The following CTNNA3 variants were observed in gnomAD, a reference collection of about 807,000 sequenced individuals.
CTNNA3 encodes catenin alpha 3.
CTNNA3 carries 76 observed loss-of-function variants against 95.7 expected under a neutral mutation model. The observed-to-expected ratio is 0.79, with a 90% CI of 0.66 to 0.96. The LOEUF (loss-of-function observed/expected upper bound fraction) is 0.96, where lower values mean the gene tolerates loss of function less well. Ranked by LOEUF, CTNNA3 falls within the 40% of genes least tolerant of loss-of-function variation. The pLI is 0.00. For missense variants in CTNNA3, 1,191 were observed against 1,089.8 expected, an observed-to-expected ratio of 1.09 and a Z score of -1.31; for synonymous variants, 431 against 374.4, an observed-to-expected ratio of 1.15 and a Z score of -1.74.
At chr10:66,637,919 G>C (rs1845390982) in intron 9 of CTNNA3, among the ~76,000 whole-genome samples, 1 of 151,950 alleles carries the variant, frequency 6.6e-6, no homozygotes, top group South Asian at 2.1e-4. Context: ...AACACTAATG[G>C]GCAGCTGCCA....
intron 4 of CTNNA3, among the ~76,000 whole-genome samples, chr10:67,525,158 G>A (rs1185534078): frequency 6.8e-6 from 1 of 147,842 alleles, no homozygotes; most frequent in Non-Finnish European, 1.5e-5. Context: ...TTTATCCTGT[G>A]TTTTTTTTTT....
chr10:66,687,123 C>A (rs1847326091), intron 9 of CTNNA3, among the ~76,000 whole-genome samples: 1 of 151,558 alleles, frequency 6.6e-6, no homozygotes, highest in Non-Finnish European at 1.5e-5. Context: ...TATGTATGTA[C>A]CAAATGAGTA....
intron 3 of CTNNA3, among the ~76,000 whole-genome samples, chr10:67,583,758 C>A (rs1842508907): frequency 6.6e-6 from 1 of 152,182 alleles, no homozygotes; most frequent in Non-Finnish European, 1.5e-5. Context: ...TTGTTCATTT[C>A]TTTTCACTCT....
At chr10:67,745,752 A>G (rs1841372052) in intron 1 of CTNNA3, among the ~76,000 whole-genome samples, 1 of 152,158 alleles carries the variant, frequency 6.6e-6, no homozygotes, top group Admixed American at 6.5e-5. Context: ...TCAACATGCA[A>G]AAATCAGTAA....
intron 7 of CTNNA3, among the ~76,000 whole-genome samples, chr10:66,811,194 A>G (rs536566480): frequency 7.9e-5 from 12 of 152,308 alleles, no homozygotes; most frequent in African/African-American, 2.9e-4. Context: ...AATTAGAATG[A>G]TTCTAGATAA....
chr10:66,929,635 C>T (rs1847258828), intron 7 of CTNNA3, among the ~76,000 whole-genome samples: 1 of 152,218 alleles, frequency 6.6e-6, no homozygotes, highest in Non-Finnish European at 1.5e-5. Flanking sequence ...AAGACCAACA[C>T]TATGACAGTT....
At chr10:67,407,185 C>G (rs1335322034) in intron 5 of CTNNA3, among the ~76,000 whole-genome samples, 2 of 152,136 alleles carry the variant, frequency 1.3e-5, no homozygotes, top group Non-Finnish European at 2.9e-5. Context: ...TACTGGCAAA[C>G]TGAATCTAGC....
chr10:66,496,916 G>T (rs989174998), intron 11 of CTNNA3, among the ~76,000 whole-genome samples: 1 of 152,080 alleles, frequency 6.6e-6, no homozygotes, highest in African/African-American at 2.4e-5. Flanking sequence ...TGTTGAAAGG[G>T]TTTGTTTTCT....
At chr10:66,771,432 A>G (rs980859393) in intron 8 of CTNNA3, among the ~76,000 whole-genome samples, 7 of 152,208 alleles carry the variant, frequency 4.6e-5, no homozygotes, top group African/African-American at 1.7e-4. Flanking sequence ...AATGATGGAA[A>G]AAGAGGCTAA....
chr10:66,767,448 C>A (rs1481793998), intron 8 of CTNNA3, among the ~76,000 whole-genome samples: 8 of 94,650 alleles, frequency 8.5e-5, no homozygotes, highest in South Asian at 8.1e-4. Flanking sequence ...TCCATCCACT[C>A]CCCCCGACAA....
rs1232721156 is a variant in CTNNA3, at chr10:66,532,020, C to CT, written c.1375-11248dup. ...GAATTTAATATTTTTGCCAAATCTC[C>CT]TTTTTTTAAAGGACTTTTATGTCAG... On this transcript the variant is annotated intron_variant, in intron 10 of 17. Coordinates refer to ENST00000433211, the MANE Select transcript of CTNNA3 (RefSeq NM_013266.4). Among the ~76,000 whole-genome samples, 5 of 152,060 alleles carry CT rather than the reference C, an allele frequency of 3.3e-5. No individual in the cohort carries two copies. The South Asian group carries it at 8.3e-4, about 25-fold the overall frequency.
chr10:66,154,685 T>A (rs1173887018), intron 13 of CTNNA3, among the ~76,000 whole-genome samples: 3 of 136,612 alleles, frequency 2.2e-5, no homozygotes, highest in Non-Finnish European at 4.7e-5. Flanking sequence ...TTTCTGGCAA[T>A]CATCTTTTTC....
rs137920955 is a variant in CTNNA3 at position 66,271,698 on chromosome 10, T to C, written c.1884+8772A>G. On this transcript the variant is annotated intron_variant, in intron 13 of 17. Transcript: ENST00000433211. The stretch of plus-strand genomic sequence containing the variant: ...CTACTTTGAGTCAAAAGCTCTGAGC[T>C]GCACTTGTGTAGAGCTCTCTGAGTG... Among the ~76,000 whole-genome samples, 536 of 152,280 alleles carry C rather than the reference T, an allele frequency of 3.5e-3. 6 individuals carry two copies. Among genetic ancestry groups the C allele is most frequent in the African/African-American group, 0.012 (494 of 41,566 alleles).
At chr10:66,522,669 T>G (rs900328437) in intron 10 of CTNNA3, among the ~76,000 whole-genome samples, 1 of 151,908 alleles carries the variant, frequency 6.6e-6, no homozygotes, top group Non-Finnish European at 1.5e-5. Flanking sequence ...TTACCCAGTC[T>G]CAGTTCTGTC....
intron 7 of CTNNA3, among the ~76,000 whole-genome samples, chr10:66,957,429 C>CATATATATATGCAT (rs1848871534): frequency 7.3e-5 from 2 of 27,234 alleles, no homozygotes; most frequent in Non-Finnish European, 1.4e-4. Context: ...TATATATATG[C>CATATATATATGCAT]ATATATATAT....
chr10:66,249,122 C>G (rs576061646), intron 13 of CTNNA3, among the ~76,000 whole-genome samples: 61 of 152,180 alleles, frequency 4.0e-4, no homozygotes, highest in African/African-American at 1.3e-3. Flanking sequence ...AACTAGACCC[C>G]TATCTCTCAC....
chr10:66,122,773 T>A (rs780476138), intron 13 of CTNNA3, among the ~76,000 whole-genome samples: 18 of 152,206 alleles, frequency 1.2e-4, no homozygotes, highest in South Asian at 6.2e-4. Flanking sequence ...AAGTCACATC[T>A]TACATGGATG....
intron 13 of CTNNA3, among the ~76,000 whole-genome samples, chr10:66,235,651 G>T (rs564351683): frequency 6.6e-6 from 1 of 152,126 alleles, no homozygotes; most frequent in African/African-American, 2.4e-5. Context: ...AAGTAGTTTG[G>T]TCACATATTT....
At chr10:66,042,136 T>A (rs765525979) in intron 15 of CTNNA3, among the ~76,000 whole-genome samples, 6 of 152,200 alleles carry the variant, frequency 3.9e-5, no homozygotes, top group Non-Finnish European at 7.3e-5. Flanking sequence ...GCACTTTCCA[T>A]CACCTCCTCC....
Sources: allele counts gnomAD v4.1 joint callset (sites outside exome capture counted in the v4.1 genomes callset), GRCh38; gene constraint gnomAD v4.1.1; transcripts MANE v1.5; gene names NCBI Gene and HGNC (gene_info 2026-07-23, HGNC 2026-07-21).